Variants in SCYL3 observed in about 807,000 individuals in gnomAD.
The protein encoded by SCYL3 is SCY1 like pseudokinase 3, also known as protein-associating with the carboxyl-terminal domain of ezrin.
Under a neutral mutation model 73.8 loss-of-function variants are expected in SCYL3, and 35 were observed. The ratio of observed to expected loss-of-function variants is 0.47; its 90% CI spans 0.36 to 0.63. The LOEUF is 0.63. Among genes scored for constraint, SCYL3 ranks in the 20% least tolerant of loss-of-function variants. The probability of loss-of-function intolerance (pLI) is 0.00; values close to 1 mark genes in which losing one functional copy is unlikely to be tolerated. For synonymous variants in SCYL3, 277 were observed against 295.2 expected, an observed-to-expected ratio of 0.94 and a Z score of 0.63; for missense variants, 712 against 798.9, an observed-to-expected ratio of 0.89 and a Z score of 1.31.
intron 11 of SCYL3, among the ~76,000 whole-genome samples, chr1:169,858,518 T>C (rs895249258): frequency 1.3e-5 from 2 of 152,222 alleles, no homozygotes; most frequent in African/African-American, 4.8e-5. Context: ...AATACACTAA[T>C]GATTAAAAGT....
intron 10 of SCYL3, among the ~76,000 whole-genome samples, chr1:169,860,925 C>G (rs1331225715): frequency 2.0e-5 from 3 of 152,228 alleles, no homozygotes; most frequent in Non-Finnish European, 4.4e-5. Flanking sequence ...AATTGGCCCA[C>G]TCTTCTTTAG....
intron 5 of SCYL3, 73 bp from the exon 6 acceptor site, chr1:169,870,430 T>C: frequency 1.1e-6 from 1 of 929,868 alleles, no homozygotes; most frequent in Non-Finnish European, 1.7e-6. Context: ...CTGAAGCACC[T>C]TCTCCCATGT....
intron 2 of SCYL3, among the ~76,000 whole-genome samples, chr1:169,881,277 T>G (rs1359804350): frequency 6.6e-6 from 1 of 152,222 alleles, no homozygotes; most frequent in Admixed American, 6.5e-5. Flanking sequence ...TTTTTTGCCC[T>G]ATTTATTTTT....
chr1:169,856,049 G>C, intron 11 of SCYL3: 1 of 1,124,188 alleles, frequency 8.9e-7, no homozygotes, highest in Non-Finnish European at 1.3e-6. Context: ...AAGTGAAATG[G>C]GTATATTTTT....
Position 169,852,603 on chromosome 1 carries a change from CTA to C in SCYL3, c.*1108_*1109del. ...ACACTGGTAGTAGCACTCTGAATTG[CTA>C]TGATAAACCAAAATGCCTTTACATA... On this transcript the variant is annotated 3_prime_UTR_variant, in exon 13 of 13. Coordinates refer to ENST00000367771, the MANE Select transcript of SCYL3 (RefSeq NM_020423.7). The C allele has an allele frequency of 3.3e-6, 2 of 607,220 alleles. No homozygotes were observed. Among genetic ancestry groups the C allele is most frequent in the Non-Finnish European group, 5.8e-6 (2 of 347,314 alleles). 37.6% of individuals were successfully genotyped at this position (607,220 alleles called of 1,614,324 possible). A position where few individuals can be genotyped will look rare whatever the true frequency, so the allele number is the denominator to read the frequency against.
intron 3 of SCYL3, 32 bp from the exon 4 acceptor site, chr1:169,876,123 C>T: frequency 1.6e-6 from 2 of 1,243,986 alleles, no homozygotes; most frequent in Non-Finnish European, 1.1e-6. Flanking sequence ...AGGAAGAGTG[C>T]CACTCCAGGA....
intron 12 of SCYL3, 158 bp downstream of exon 12, chr1:169,854,112 A>AAAGAT (rs1163995574): frequency 6.4e-6 from 4 of 622,734 alleles, no homozygotes; most frequent in East Asian, 5.7e-5. Context: ...TGGGGGAAGG[A>AAAGAT]AAGATAGATA....
chr1:169,873,057 G>A (rs1162390490), intron 5 of SCYL3, among the ~76,000 whole-genome samples: 1 of 152,152 alleles, frequency 6.6e-6, no homozygotes, highest in Non-Finnish European at 1.5e-5. Context: ...ACATGAGACT[G>A]GGGAGGGGCC....
intron 2 of SCYL3, among the ~76,000 whole-genome samples, chr1:169,880,354 A>C (rs1661155974): frequency 6.6e-6 from 1 of 152,168 alleles, no homozygotes; most frequent in East Asian, 1.9e-4. Context: ...GCACACTTAA[A>C]CATATTACCA....
At chr1:169,887,122 T>C (rs1661739281) in intron 2 of SCYL3, among the ~76,000 whole-genome samples, 1 of 152,240 alleles carries the variant, frequency 6.6e-6, no homozygotes, top group Admixed American at 6.5e-5. Flanking sequence ...AATCTAAAGT[T>C]ATCACTTTGT....
intron 6 of SCYL3, among the ~76,000 whole-genome samples, chr1:169,869,445 T>C (rs1050205373): frequency 2.0e-5 from 3 of 152,242 alleles, no homozygotes; most frequent in East Asian, 1.9e-4. Flanking sequence ...TCTAAATACA[T>C]AGAATAGTTA....
intron 1 of SCYL3, among the ~76,000 whole-genome samples, chr1:169,890,246 T>C (rs140205204): frequency 5.3e-4 from 81 of 152,368 alleles, no homozygotes; most frequent in African/African-American, 1.9e-3. Flanking sequence ...TATTTTTCAA[T>C]GTTGAATCAA....
At chr1:169,881,005 G>A (rs12401338) in intron 2 of SCYL3, among the ~76,000 whole-genome samples, 24,610 of 151,976 alleles carry the variant, frequency 0.16, 2,070 homozygotes, top group Middle Eastern at 0.22. Flanking sequence ...CGGGCAATCC[G>A]CCCACCTCAG....
intron 8 of SCYL3, among the ~76,000 whole-genome samples, chr1:169,866,008 A>G (rs1301802519): frequency 6.6e-6 from 1 of 152,094 alleles, no homozygotes; most frequent in Non-Finnish European, 1.5e-5. Flanking sequence ...TAACACCCTA[A>G]TATTTCCCTC....
intron 9 of SCYL3, 32 bp from the exon 10 acceptor site, chr1:169,862,829 AAAC>A: frequency 6.2e-7 from 1 of 1,606,778 alleles, no homozygotes; most frequent in Non-Finnish European, 8.5e-7. Context: ...ACAGATGAAA[AAAC>A]AAATTTTCAT....
In SCYL3 at chr1:169,882,120, C is replaced by T. The variant is rs188077082; in HGVS notation, c.166-3301G>A. Among the ~76,000 whole-genome samples, 35 of 152,284 alleles carry T rather than the reference C, an allele frequency of 2.3e-4. 1 individual carries two copies. The highest frequency in any genetic ancestry group is 4.1e-4 in the Non-Finnish European group (28 of 68,018). ...GCAGGGAGGTGTGAAGGGAGAGGTG[C>T]GAGCGGGAACTGGGGCTGCCCACGC... On this transcript the variant is annotated intron_variant, in intron 2 of 12. Coordinates refer to ENST00000367771, the MANE Select transcript of SCYL3 (RefSeq NM_020423.7).
intron 3 of SCYL3, among the ~76,000 whole-genome samples, chr1:169,877,686 G>T (rs1660951159): frequency 6.6e-6 from 1 of 152,202 alleles, no homozygotes; most frequent in African/African-American, 2.4e-5. Context: ...TGCCTCTGAA[G>T]AGAGGAATTA....
chr1:169,858,922 C>G (rs190153904), intron 11 of SCYL3, 119 bp downstream of exon 11: 1 of 867,604 alleles, frequency 1.2e-6, no homozygotes. Flanking sequence ...GAGAAATTAA[C>G]TTTTTATTTA....
intron 10 of SCYL3, among the ~76,000 whole-genome samples, chr1:169,861,351 A>G (rs1659636237): frequency 6.6e-6 from 1 of 152,200 alleles, no homozygotes; most frequent in South Asian, 2.1e-4. Flanking sequence ...CAGCCATTTA[A>G]GAAGTCCACC....
Sources: gnomAD v4.1 joint callset for allele counts (sites outside exome capture counted in the v4.1 genomes callset) on GRCh38, gnomAD v4.1.1 for gene constraint, MANE v1.5 for transcripts, NCBI Gene and HGNC (gene_info 2026-07-23, HGNC 2026-07-21) for gene names.